MAN2A2: variants seen among roughly 807,000 people sequenced by gnomAD.
MAN2A2 encodes the protein mannosidase alpha class 2A member 2.
In MAN2A2, 79 loss-of-function variants were observed where a neutral mutation model predicts 126.8. The ratio of observed to expected loss-of-function variants is 0.62; its 90% CI spans 0.52 to 0.75. The LOEUF (loss-of-function observed/expected upper bound fraction) is 0.75. Ranked by LOEUF, MAN2A2 falls within the 30% of genes least tolerant of loss-of-function variation. The pLI is 0.00. For synonymous variants in MAN2A2, 671 were observed against 618.7 expected (o/e 1.08, Z -1.25); for missense variants, 1,392 against 1,522.4 (o/e 0.91, Z 1.43).
intron 8 of MAN2A2, 138 bp downstream of exon 8, chr15:90,907,633 C>T (rs559395804): frequency 3.8e-5 from 29 of 767,068 alleles, no homozygotes; most frequent in East Asian, 1.1e-4. Flanking sequence ...TACTAAGTCT[C>T]CTGAAAAACT....
rs558084418 is a variant in MAN2A2, at chr15:90,912,188, C to T, written c.2255C>T (p.Pro752Leu). ...TCCGTCAGCAGGCACGAAGCGTTTCCTCTCCGTGTCATTGACTCTGGCACC... is the reference window on the plus strand; with the variant it reads ...TCCGTCAGCAGGCACGAAGCGTTTCTTCTCCGTGTCATTGACTCTGGCACC... ...QLSVSRHEAF[P>L]LRVIDSGTSD... Residue 752 changes from proline to leucine, a missense_variant, in exon 15 of 23, where the codon CCT becomes CTT. Coordinates refer to ENST00000559717, the MANE Select transcript of MAN2A2 (RefSeq NM_006122.4). 1.1e-5 allele frequency: 17 copies of T among 1,614,174 alleles called. No individual in the cohort carries two copies. The South Asian group carries it at 1.5e-4, about 15-fold the overall frequency.
chr15:90,904,083 T>C (rs963246726), intron 1 of MAN2A2, 107 bp from the exon 2 acceptor site: 1 of 1,267,962 alleles, frequency 7.9e-7, no homozygotes, highest in Non-Finnish European at 1.1e-6. Flanking sequence ...GCCAGGCAAA[T>C]GGGTGTTCCT....
At chr15:90,902,876 C>T (rs2033950376), upstream of MAN2A2, 1 of 148,256 alleles carries the variant, frequency 6.7e-6, no homozygotes, top group South Asian at 2.1e-4. Flanking sequence ...CCCGCCTTCG[C>T]CTGCGTCGCT....
chr15:90,916,282 G>A (rs1438886586), intron 20 of MAN2A2, 26 bp downstream of exon 20: 2 of 1,610,006 alleles, frequency 1.2e-6, no homozygotes, highest in Admixed American at 3.3e-5. Flanking sequence ...GACGCCCAGG[G>A]AGCCAGGTCT....
chr15:90,910,709 A>G, intron 11 of MAN2A2, 26 bp downstream of exon 11: 1 of 1,611,796 alleles, frequency 6.2e-7, no homozygotes, highest in Non-Finnish European at 8.5e-7. Context: ...TTTCCCTTGT[A>G]AGCTCCCCTG....
rs761906559 is a variant in MAN2A2, at chr15:90,911,484, G to T, written c.2043G>T (p.Gln681His). ...TGCGTGTCCTTTCGGAGGAGGGTCA[G>T]CCCCTGGCCGTGCAGATCAGCGCAC... ...PRVRVLSEEG[Q>H]PLAVQISAHW... The change falls in exon 14 of 23, where the codon CAG (glutamine) becomes CAT (histidine). Residue 681 changes from glutamine to histidine, a missense_variant. Coordinates refer to ENST00000559717, the MANE Select transcript of MAN2A2 (RefSeq NM_006122.4). 4.3e-6 allele frequency: 7 copies of T among 1,614,178 alleles called. No homozygotes were observed. The highest frequency in any genetic ancestry group is 5.9e-6 in the Non-Finnish European group (7 of 1,180,046).
At position 90,912,882 on chromosome 15, in the gene MAN2A2, C is replaced by T. The variant is rs746865983; in HGVS notation, c.2475C>T (p.Tyr825=). The change falls in exon 17 of 23, where the codon TAC becomes TAT. Residue 825 remains tyrosine, a synonymous_variant. Transcript: ENST00000559717. ...LFLPDGEAKP[Y]VPKEPPVLRV... is the part of the protein sequence containing the mutation. Reference sequence around the variant, plus strand: ...GCAATCTGCTCTTTCTCTAGCCCTACGTCCCCAAGGAGCCCCCCGTGCTGC... The same window carrying T: ...GCAATCTGCTCTTTCTCTAGCCCTATGTCCCCAAGGAGCCCCCCGTGCTGC... 2.7e-5 allele frequency: 43 copies of T among 1,613,292 alleles called. No individual in the cohort carries two copies. The highest frequency in any genetic ancestry group is 1.6e-4 in the Middle Eastern group (1 of 6,084).
In MAN2A2 at chr15:90,906,571, A is replaced by G. The variant is rs78252368; in HGVS notation, c.835+74A>G. On this transcript the variant is annotated intron_variant, in intron 6 of 22. Transcript: ENST00000559717. ...CAGGCAGGGGCTGTAAGGCACAGGGATCGGCAGGGGGTGGTTCCTTTCTAG... is the reference window on the plus strand; with the variant it reads ...CAGGCAGGGGCTGTAAGGCACAGGGGTCGGCAGGGGGTGGTTCCTTTCTAG... 10,578 of 1,608,970 alleles carry G rather than the reference A, an allele frequency of 6.6e-3. 583 individuals are homozygous for G. The African/African-American group carries it at 0.12, about 18-fold the overall frequency.
rs1273248194 is a variant in MAN2A2 at position 90,907,296 on chromosome 15, G to A, written c.1010-13G>A. On this transcript the variant is annotated splice_polypyrimidine_tract_variant and intron_variant, in intron 7 of 22. Transcript: ENST00000559717. ...TGCCTGCTGGTGGTGACCACGTGGT[G>A]TGTCTCCTGCAGACTCGGACTCCAG... is the stretch of plus-strand genomic sequence containing the variant. 6.2e-6 allele frequency: 10 copies of A among 1,610,224 alleles called. No individual in the cohort carries two copies. The highest frequency in any genetic ancestry group is 2.7e-5 in the African/African-American group (2 of 74,882).
chr15:90,903,840 C>T (rs1489518137), intron 1 of MAN2A2: 4 of 362,470 alleles, frequency 1.1e-5, no homozygotes, highest in Non-Finnish European at 2.1e-5. Flanking sequence ...CTAGCTTATT[C>T]ACCTGAAACT....
intron 2 of MAN2A2, 95 bp downstream of exon 2, chr15:90,904,434 C>CGGGGGG: frequency 1.3e-5 from 18 of 1,354,182 alleles, no homozygotes; most frequent in Non-Finnish European, 1.6e-5. Context: ...CCACCCCCCG[C>CGGGGGG]TGGAGGGTAA....
At chr15:90,918,804 TG>T (rs1234134864) in intron 22 of MAN2A2, 49 bp downstream of exon 22, 3 of 1,313,704 alleles carry the variant, frequency 2.3e-6, no homozygotes, top group Non-Finnish European at 3.3e-6. Flanking sequence ...GGCATGAGCT[TG>T]GTAAGACTGG....
intron 18 of MAN2A2, 26 bp downstream of exon 18, chr15:90,913,432 G>A: frequency 6.3e-7 from 1 of 1,579,308 alleles, no homozygotes; most frequent in South Asian, 1.1e-5. Context: ...GGGTCTCGGA[G>A]ACCCCACAGA....
chr15:90,906,105 T>G (rs1473184146), intron 5 of MAN2A2, 89 bp downstream of exon 5: 4 of 1,559,102 alleles, frequency 2.6e-6, no homozygotes, highest in Non-Finnish European at 3.5e-6. Context: ...GGTGCCAAGG[T>G]GGCAGGGAGA....
At chr15:90,915,885 G>A in intron 19 of MAN2A2, 1 of 486,402 alleles carries the variant, frequency 2.1e-6, no homozygotes, top group Non-Finnish European at 3.7e-6. Context: ...AAACTGCCAG[G>A]GCCAGCCTTC....
chr15:90,913,098 T>G, intron 17 of MAN2A2, 107 bp downstream of exon 17: 1 of 1,154,204 alleles, frequency 8.7e-7, no homozygotes, highest in Non-Finnish European at 1.3e-6. Context: ...TCCGTATCAT[T>G]TGAGACAGGG....
rs533357829 is a variant in MAN2A2 at position 90,920,775 on chromosome 15, T to C, written c.*988T>C. 1.3e-5 allele frequency: 2 copies of C among 152,234 alleles called. No individual in the cohort carries two copies. Among genetic ancestry groups the C allele is most frequent in the Non-Finnish European group, 2.9e-5 (2 of 68,070 alleles). The allele number at this position is 152,234 out of a possible 1,614,324, so 9.4% of individuals were successfully genotyped here. A position where few individuals can be genotyped will look rare whatever the true frequency, so the allele number is the denominator to read the frequency against. On this transcript the variant is annotated 3_prime_UTR_variant, in exon 23 of 23. Transcript: ENST00000559717. ...CACCTTTAGTCTATCTGCAGAGGTA[T>C]TCAGTTCCTGGCACAGGGGACTAGG... is the stretch of plus-strand genomic sequence containing the variant.
At chr15:90,911,314 T>C (rs921474164) in intron 13 of MAN2A2, 71 bp from the exon 14 acceptor site, 13 of 1,613,172 alleles carry the variant, frequency 8.1e-6, no homozygotes, top group South Asian at 1.1e-5. Context: ...CAGCATGTGC[T>C]GAACCAGTGC....
intron 15 of MAN2A2, 100 bp downstream of exon 15, chr15:90,912,379 C>A: frequency 1.3e-6 from 2 of 1,554,092 alleles, no homozygotes; most frequent in Non-Finnish European, 8.8e-7. Context: ...GAGCATTCTG[C>A]CACCTGACCC....
Sources: gnomAD v4.1 joint callset for allele counts on GRCh38, gnomAD v4.1.1 for gene constraint, MANE v1.5 for transcripts, NCBI Gene and HGNC (gene_info 2026-07-23, HGNC 2026-07-21) for gene names.